The following PCDHGA5 variants were observed in gnomAD, a reference collection of about 807,000 sequenced individuals.
PCDHGA5 encodes protocadherin gamma subfamily A, 5, also known as protocadherin gamma-A5.
In PCDHGA5, 36 loss-of-function variants were observed where a neutral mutation model predicts 56.7. The ratio of observed to expected loss-of-function variants is 0.64; its 90% CI spans 0.49 to 0.84. PCDHGA5 has a LOEUF of 0.84. Among genes scored for constraint, PCDHGA5 ranks in the 40% least tolerant of loss-of-function variants. The probability of loss-of-function intolerance (pLI) is 0.00; values close to 1 mark genes in which losing one functional copy is unlikely to be tolerated. For synonymous variants in PCDHGA5, 563 were observed against 520.2 expected (o/e 1.08, Z -1.12); for missense variants, 1,305 against 1,201.5 (o/e 1.09, Z -1.27).
chr5:141,472,290 C>T (rs2099275934), intron 1 of PCDHGA5, among the ~76,000 whole-genome samples: 2 of 152,096 alleles, frequency 1.3e-5, no homozygotes, highest in Admixed American at 6.6e-5. Flanking sequence ...ACCTGTAATC[C>T]CAGCACTTTG....
At chr5:141,422,488 A>G in intron 1 of PCDHGA5, 1 of 1,614,000 alleles carries the variant, frequency 6.2e-7, no homozygotes, top group Non-Finnish European at 8.5e-7. Context: ...GAGCTACAAT[A>G]TAACGTTGAC....
chr5:141,382,777 C>G, intron 1 of PCDHGA5: 1 of 822,390 alleles, frequency 1.2e-6, no homozygotes. Flanking sequence ...CTGCACTAAA[C>G]TCAAGCCTCT....
chr5:141,370,825 AACTGGCTCTC>A (rs1767227314), intron 1 of PCDHGA5: 3 of 1,614,070 alleles, frequency 1.9e-6, no homozygotes, highest in Admixed American at 3.3e-5. Context: ...GAAATCAGCG[AACTGGCTCTC>A]ACTGGAGCCA....
At chr5:141,394,545 G>A in intron 1 of PCDHGA5, 1 of 1,614,164 alleles carries the variant, frequency 6.2e-7, no homozygotes, top group South Asian at 1.1e-5. Flanking sequence ...CGTGGAGCTG[G>A]CGCCCCGCTC....
chr5:141,427,023 G>A, intron 1 of PCDHGA5: 1 of 456,968 alleles, frequency 2.2e-6, no homozygotes, highest in Non-Finnish European at 4.4e-6. Flanking sequence ...TGTATACAAA[G>A]TCAGCCTTAG....
At chr5:141,395,121 T>C (rs773964445) in intron 1 of PCDHGA5, 1 of 1,614,192 alleles carries the variant, frequency 6.2e-7, no homozygotes, top group East Asian at 2.2e-5. Flanking sequence ...TCACCTGATC[T>C]TTCCCCAGCC....
chr5:141,401,761 A>T (rs2094191513), intron 1 of PCDHGA5, among the ~76,000 whole-genome samples: 1 of 152,210 alleles, frequency 6.6e-6, no homozygotes, highest in African/African-American at 2.4e-5. Flanking sequence ...ATTACATGGT[A>T]TAAGTCTTTT....
intron 1 of PCDHGA5, chr5:141,400,212 C>A (rs773459521): frequency 6.2e-7 from 1 of 1,614,058 alleles, no homozygotes; most frequent in East Asian, 2.2e-5. Context: ...TGGCCTTGAT[C>A]TCAGTGCTCT....
intron 1 of PCDHGA5, chr5:141,370,352 C>T (rs1169280813): frequency 6.7e-7 from 1 of 1,499,528 alleles, no homozygotes; most frequent in Non-Finnish European, 8.9e-7. Flanking sequence ...ATTTAAAGAT[C>T]TCCTCTCCTC....
In PCDHGA5 at chr5:141,409,031, A is replaced by G. The variant is rs748995883; in HGVS notation, c.2421+42280A>G. The G allele has an allele frequency of 1.2e-6, 2 of 1,614,032 alleles. No individual in the cohort carries two copies. The highest frequency in any genetic ancestry group is 1.7e-6 in the Non-Finnish European group (2 of 1,179,904). The stretch of plus-strand genomic sequence containing the variant: ...CCAGGATGAGGGGGTCAATGCTGAG[A>G]TAAACTACTACTTCCGAAGCACTGC... On this transcript the variant is annotated intron_variant, in intron 1 of 3. Transcript: ENST00000518069.
intron 2 of PCDHGA5, 50 bp from the exon 3 acceptor site, chr5:141,505,343 G>A: frequency 1.9e-6 from 3 of 1,612,934 alleles, no homozygotes; most frequent in Non-Finnish European, 2.5e-6. Flanking sequence ...GGAGGGGCAT[G>A]AGCTGTGCCG....
At position 141,432,289 on chromosome 5, in the gene PCDHGA5, C is replaced by A. The variant is rs762278053; in HGVS notation, c.2422-62518C>A. 2 of 1,614,148 alleles carry A rather than the reference C, an allele frequency of 1.2e-6. No individual in the cohort carries two copies. Among genetic ancestry groups the A allele is most frequent in the African/African-American group, 2.7e-5 (2 of 74,952 alleles). On this transcript the variant is annotated intron_variant, in intron 1 of 3. Coordinates refer to ENST00000518069, the MANE Select transcript of PCDHGA5 (RefSeq NM_018918.3). The surrounding 1 kb of genome is among the most constrained non-coding windows in gnomAD (Gnocchi z 6.0). ...CGTCCTACGTGTCCATCAACTCCGA[C>A]ACTGGGGTACTGTATGCGCTGAGCT...
chr5:141,502,246 T>A (rs1449536622), intron 2 of PCDHGA5, among the ~76,000 whole-genome samples: 1 of 152,206 alleles, frequency 6.6e-6, no homozygotes, highest in African/African-American at 2.4e-5. Flanking sequence ...TTTATCCTTT[T>A]TTTTAATCCA....
intron 1 of PCDHGA5, chr5:141,399,855 C>A (rs773247537): frequency 2.5e-6 from 4 of 1,612,892 alleles, no homozygotes; most frequent in Non-Finnish European, 2.5e-6. Context: ...TGGTGCCGCG[C>A]GCTGCAGAGC....
intron 1 of PCDHGA5, chr5:141,427,571 G>T (rs1199845374): frequency 9.1e-6 from 6 of 662,944 alleles, no homozygotes; most frequent in Non-Finnish European, 1.7e-5. Context: ...GCAAGCCTCC[G>T]CTCTCATCCA....
chr5:141,424,504 G>A (rs1357608806), intron 1 of PCDHGA5: 2 of 152,134 alleles, frequency 1.3e-5, no homozygotes, highest in East Asian at 1.9e-4. Flanking sequence ...TGTATGGAAG[G>A]TTTTTTAATG....
intron 1 of PCDHGA5, among the ~76,000 whole-genome samples, chr5:141,445,751 G>T (rs1211416281): frequency 2.0e-5 from 3 of 152,102 alleles, no homozygotes; most frequent in Non-Finnish European, 4.4e-5. Context: ...AAAAATAAAA[G>T]GTGTGACTCA....
At position 141,421,681 on chromosome 5, in the gene PCDHGA5, C is replaced by T. The variant is rs750692137; in HGVS notation, c.2421+54930C>T. 4 of 1,613,858 alleles carry T rather than the reference C, an allele frequency of 2.5e-6. No homozygotes were observed. In the South Asian group the frequency reaches 4.4e-5, roughly 18 times the overall value. Reference sequence around the variant, plus strand: ...CAGTGAGCACGCAATTCCTGGGGCGCGATTTGCTCTTCCTAATGCTAGGGA... The same window carrying T: ...CAGTGAGCACGCAATTCCTGGGGCGTGATTTGCTCTTCCTAATGCTAGGGA... On this transcript the variant is annotated intron_variant, in intron 1 of 3. Coordinates refer to ENST00000518069, the MANE Select transcript of PCDHGA5 (RefSeq NM_018918.3).
In PCDHGA5 at chr5:141,485,849, G is replaced by A. The variant is rs777288674; in HGVS notation, c.2422-8958G>A. ...AGGGAACCCGCCGAGATCTGGCACC[G>A]CAGAGCTCCGGGTATCCGTGCTGGA... On this transcript the variant is annotated intron_variant, in intron 1 of 3. Transcript: ENST00000518069. The surrounding 1 kb of genome is among the most constrained non-coding windows in gnomAD (Gnocchi z 5.7). 3 of 1,614,130 alleles carry A rather than the reference G, an allele frequency of 1.9e-6. No individual in the cohort carries two copies. In the South Asian group the frequency reaches 3.3e-5, roughly 18 times the overall value.
Sources: allele counts gnomAD v4.1 joint callset (sites outside exome capture counted in the v4.1 genomes callset), GRCh38; gene constraint gnomAD v4.1.1; non-coding constraint Gnocchi (gnomAD v3.1); transcripts MANE v1.5; gene names NCBI Gene and HGNC (gene_info 2026-07-23, HGNC 2026-07-21).